The following ATAD1 variants were observed in gnomAD, a reference collection of about 807,000 sequenced individuals.
ATAD1 encodes the protein outer mitochondrial transmembrane helix translocase.
ATAD1 carries 18 observed loss-of-function variants against 42.7 expected under a neutral mutation model. The ratio of observed to expected loss-of-function variants is 0.42; its 90% CI spans 0.29 to 0.63. The LOEUF is 0.63. ATAD1 is among the 20% of genes least tolerant of loss of function. The probability of loss-of-function intolerance (pLI) is 0.19; values close to 1 mark genes in which losing one functional copy is unlikely to be tolerated. For missense variants in ATAD1, 294 were observed against 440.4 expected, an observed-to-expected ratio of 0.67 and a Z score of 2.98; for synonymous variants, 132 against 143.1, an observed-to-expected ratio of 0.92 and a Z score of 0.55.
In ATAD1 at chr10:87,775,610, C is replaced by G. The variant is rs1391197784; in HGVS notation, c.690+711G>C. ...ACATGCCAGATTAACTTCTTTTTAACTTTCTTTTAAACCACTAAGCTGACA... is the reference window on the plus strand; with the variant it reads ...ACATGCCAGATTAACTTCTTTTTAAGTTTCTTTTAAACCACTAAGCTGACA... On this transcript the variant is annotated intron_variant, in intron 6 of 9. Coordinates refer to ENST00000680024, the MANE Select transcript of ATAD1 (RefSeq NM_001321967.2). 3.4e-5 allele frequency among the ~76,000 whole-genome samples: 5 copies of G among 148,286 alleles called. No individual in the cohort carries two copies. In the East Asian group the frequency reaches 8.2e-4, roughly 24 times the overall value.
At chr10:87,777,597 T>A (rs575407196) in intron 5 of ATAD1, among the ~76,000 whole-genome samples, 308 of 146,392 alleles carry the variant, frequency 2.1e-3, no homozygotes, top group Non-Finnish European at 3.7e-3. Context: ...CCTAATAATT[T>A]AAAAAAAAAA....
chr10:87,775,396 G>C (rs1031660095), intron 6 of ATAD1, among the ~76,000 whole-genome samples: 81 of 144,732 alleles, frequency 5.6e-4, no homozygotes, highest in African/African-American at 2.0e-3. Context: ...ACTCCAGCCT[G>C]GGCGACAGAG....
intron 3 of ATAD1, 86 bp downstream of exon 3, chr10:87,792,571 G>T (rs1250578187): frequency 1.1e-6 from 1 of 948,294 alleles, no homozygotes. Context: ...AAAGAACCCG[G>T]CCGTGATCTT....
At chr10:87,763,665 C>A (rs1309815979) in intron 8 of ATAD1, among the ~76,000 whole-genome samples, 1 of 151,340 alleles carries the variant, frequency 6.6e-6, no homozygotes, top group Non-Finnish European at 1.5e-5. Flanking sequence ...ACAGTGAGAC[C>A]CTAAAAAAAC....
At chr10:87,767,398 C>G (rs1044527400) in intron 8 of ATAD1, among the ~76,000 whole-genome samples, 1 of 152,104 alleles carries the variant, frequency 6.6e-6, no homozygotes, top group African/African-American at 2.4e-5. Context: ...AAGCGAGCAA[C>G]CCCCCTCGCA....
At chr10:87,819,999 A>G (rs1226953189), upstream of ATAD1, among the ~76,000 whole-genome samples, 1 of 152,092 alleles carries the variant, frequency 6.6e-6, no homozygotes, top group African/African-American at 2.4e-5. Context: ...AAAAAAATGG[A>G]TGTGAAGCTA....
rs933477508 is a variant in ATAD1 at position 87,771,118 on chromosome 10, T to C, written c.691-77A>G. 24 of 1,101,076 alleles carry C rather than the reference T, an allele frequency of 2.2e-5. No individual in the cohort carries two copies. The African/African-American group carries it at 3.2e-4, about 15-fold the overall frequency. 68.2% of individuals were successfully genotyped at this position (1,101,076 alleles called of 1,614,324 possible). A position where few individuals can be genotyped will look rare whatever the true frequency, so the allele number is the denominator to read the frequency against. On this transcript the variant is annotated intron_variant, in intron 6 of 9. Transcript: ENST00000680024. ...TGAGAATGTTATTACTAGGGCTTAG[T>C]TTTAAAAATTAAGTGGTATTTTAAC... is the stretch of plus-strand genomic sequence containing the variant.
intron 1 of ATAD1, among the ~76,000 whole-genome samples, chr10:87,828,772 T>A (rs1307879394): frequency 6.6e-6 from 1 of 152,232 alleles, no homozygotes; most frequent in Non-Finnish European, 1.5e-5. Context: ...CTAATGCAAC[T>A]GATGACTTTA....
intron 2 of ATAD1, among the ~76,000 whole-genome samples, chr10:87,803,539 T>A (rs1046427804): frequency 5.3e-5 from 8 of 152,228 alleles, no homozygotes; most frequent in Non-Finnish European, 7.3e-5. Flanking sequence ...TCTTATCTAC[T>A]TATGACCTGG....
At chr10:87,818,335 C>T, upstream of ATAD1, 1 of 889,920 alleles carries the variant, frequency 1.1e-6, no homozygotes, top group Non-Finnish European at 1.3e-6. Flanking sequence ...GGCTTAGAAA[C>T]AGTGAGGGAG....
At chr10:87,835,242 G>T (rs11202580) in intron 1 of ATAD1, among the ~76,000 whole-genome samples, 56,948 of 151,786 alleles carry the variant, frequency 0.38, 11,291 homozygotes, top group Non-Finnish European at 0.45. Context: ...ATTAGGTACG[G>T]TTGGGTTGAT....
chr10:87,768,526 G>T (rs910006613), intron 7 of ATAD1, among the ~76,000 whole-genome samples: 1 of 151,978 alleles, frequency 6.6e-6, no homozygotes, highest in African/African-American at 2.4e-5. Flanking sequence ...CATTTCACTT[G>T]GAGAAAAGTT....
intron 1 of ATAD1, among the ~76,000 whole-genome samples, chr10:87,830,266 C>G (rs1857804853): frequency 6.6e-6 from 1 of 152,158 alleles, no homozygotes; most frequent in Non-Finnish European, 1.5e-5. Flanking sequence ...TCTTTCACAC[C>G]AATCATGATT....
At chr10:87,765,845 C>T (rs11202546) in intron 8 of ATAD1, among the ~76,000 whole-genome samples, 7,406 of 151,946 alleles carry the variant, frequency 0.049, 497 homozygotes, top group East Asian at 0.33. Flanking sequence ...CTGGGCAACA[C>T]AGCAAGATAC....
intron 6 of ATAD1, among the ~76,000 whole-genome samples, chr10:87,771,736 T>C (rs906564593): frequency 4.6e-5 from 7 of 151,672 alleles, no homozygotes; most frequent in African/African-American, 1.7e-4. Flanking sequence ...GTCACTTATT[T>C]ATAAAGGATG....
chr10:87,802,289 C>A (rs12772552), intron 2 of ATAD1, among the ~76,000 whole-genome samples: 3 of 151,934 alleles, frequency 2.0e-5, no homozygotes, highest in Admixed American at 6.5e-5. Context: ...TGGCTTCACA[C>A]CTTATCTACA....
intron 6 of ATAD1, among the ~76,000 whole-genome samples, chr10:87,775,902 G>C (rs1445319821): frequency 2.0e-5 from 3 of 152,152 alleles, no homozygotes; most frequent in Admixed American, 2.0e-4. Flanking sequence ...GAAAATCAGG[G>C]AAGTGACTAA....
At chr10:87,806,769 G>A (rs571656785) in intron 2 of ATAD1, among the ~76,000 whole-genome samples, 2 of 152,220 alleles carry the variant, frequency 1.3e-5, no homozygotes, top group Admixed American at 6.5e-5. Flanking sequence ...TACAAGAAAA[G>A]CTATCTGCCC....
chr10:87,815,536 C>T (rs1375729475), intron 1 of ATAD1, among the ~76,000 whole-genome samples: 2 of 151,926 alleles, frequency 1.3e-5, no homozygotes, highest in African/African-American at 4.8e-5. Flanking sequence ...TATATTTGTA[C>T]TTACATAAAC....
Sources: allele counts gnomAD v4.1 joint callset (sites outside exome capture counted in the v4.1 genomes callset), GRCh38; gene constraint gnomAD v4.1.1; transcripts MANE v1.5; gene names NCBI Gene and HGNC (gene_info 2026-07-23, HGNC 2026-07-21).